KCNQ1: variants seen among roughly 807,000 people sequenced by gnomAD.
KCNQ1 encodes potassium voltage-gated channel subfamily KQT member 1.
KCNQ1 carries 49 observed loss-of-function variants against 72.4 expected under a neutral mutation model. That is an observed-to-expected ratio of 0.68 (90% CI 0.54 to 0.86). KCNQ1 has a LOEUF of 0.86. Ranked by LOEUF, KCNQ1 falls within the 40% of genes least tolerant of loss-of-function variation. KCNQ1 has a pLI of 0.00. For missense variants in KCNQ1, 790 were observed against 945.1 expected, an observed-to-expected ratio of 0.84 and a Z score of 2.15; for synonymous variants, 450 against 412.6, an observed-to-expected ratio of 1.09 and a Z score of -1.10.
Position 2,724,708 on chromosome 11 carries a change from C to T in KCNQ1, c.1515-44136C>T, listed in dbSNP as rs931775039. 3.9e-5 allele frequency among the ~76,000 whole-genome samples: 6 copies of T among 152,190 alleles called. No homozygotes were observed. Among genetic ancestry groups the T allele is most frequent in the Non-Finnish European group, 8.8e-5 (6 of 68,040 alleles). On this transcript the variant is annotated intron_variant, in intron 11 of 15. Coordinates refer to ENST00000155840, the MANE Select transcript of KCNQ1 (RefSeq NM_000218.3). The surrounding 1 kb of genome is among the most constrained non-coding windows in gnomAD (Gnocchi z 6.8). ...ATTGTCCTGGGCTCACAGAGGAGGA[C>T]GTGGGGACCTGCCCAAGGAGACACA...
chr11:2,500,628 T>C (rs1038796159), intron 1 of KCNQ1, among the ~76,000 whole-genome samples: 5 of 152,142 alleles, frequency 3.3e-5, no homozygotes, highest in African/African-American at 1.2e-4. Context: ...CCAACCCAAA[T>C]GCCCATCAAT....
In KCNQ1 at chr11:2,818,668, C is replaced by T. The variant is rs375715091; in HGVS notation, c.1795-29099C>T. ...ACCAGCCCAGCTGCTGGTCCCTAACCGGGCCCACCTGTTGGGTCCTTAGCA... is the reference window on the plus strand; with the variant it reads ...ACCAGCCCAGCTGCTGGTCCCTAACTGGGCCCACCTGTTGGGTCCTTAGCA... On this transcript the variant is annotated intron_variant, in intron 15 of 15. Coordinates refer to ENST00000155840, the MANE Select transcript of KCNQ1 (RefSeq NM_000218.3). The surrounding 1 kb of genome is among the most constrained non-coding windows in gnomAD (Gnocchi z 7.2). Among the ~76,000 whole-genome samples the T allele has an allele frequency of 1.7e-4, 26 of 152,288 alleles. No individual in the cohort carries two copies. In the East Asian group the frequency reaches 3.7e-3, roughly 22 times the overall value.
At position 2,587,611 on chromosome 11, in the gene KCNQ1, C is replaced by T; in HGVS notation, c.1170C>T (p.Ser390=). Reference sequence around the variant, plus strand: ...ATGCTGCCGAGAACCCCGACTCCTCCACCTGGAAGATCTACATCCGGAAGG... The same window carrying T: ...ATGCTGCCGAGAACCCCGACTCCTCTACCTGGAAGATCTACATCCGGAAGG... The part of the protein sequence containing the change: ...RCYAAENPDS[S]TWKIYIRKAP... The change falls in exon 9 of 16, where the codon TCC becomes TCT. Residue 390 remains serine, a synonymous_variant. Coordinates refer to ENST00000155840, the MANE Select transcript of KCNQ1 (RefSeq NM_000218.3). The T allele has an allele frequency of 6.2e-7, 1 of 1,613,956 alleles. No individual in the cohort carries two copies. Among genetic ancestry groups the T allele is most frequent in the Non-Finnish European group, 8.5e-7 (1 of 1,180,026 alleles).
rs1433504685 is a variant in KCNQ1, at chr11:2,759,353, TG to T, written c.1515-9488del. ...ATGTCTCCTGGGTCCTCCAGCACTC[TG>T]GGTTTCCTCTGCCAAGACCCCCACC... is the stretch of plus-strand genomic sequence containing the variant. On this transcript the variant is annotated intron_variant, in intron 11 of 15. Transcript: ENST00000155840. The surrounding 1 kb of genome is among the most constrained non-coding windows in gnomAD (Gnocchi z 4.4). Among the ~76,000 whole-genome samples, 1 of 152,150 alleles carries T rather than the reference TG, an allele frequency of 6.6e-6. No homozygotes were observed. Among genetic ancestry groups the T allele is most frequent in the Non-Finnish European group, 1.5e-5 (1 of 68,012 alleles).
Position 2,724,592 on chromosome 11 carries a change from G to A in KCNQ1, c.1515-44252G>A, listed in dbSNP as rs538525872. 2.0e-5 allele frequency among the ~76,000 whole-genome samples: 3 copies of A among 152,302 alleles called. No individual in the cohort carries two copies. Among genetic ancestry groups the A allele is most frequent in the South Asian group, 2.1e-4 (1 of 4,830 alleles). ...GACCCCACTAGGAACCCCTTCCCGC[G>A]GAAACACAGCTTCTCCCCTTGGGTG... On this transcript the variant is annotated intron_variant, in intron 11 of 15. Coordinates refer to ENST00000155840, the MANE Select transcript of KCNQ1 (RefSeq NM_000218.3). This position sits in a 1 kb window ranked among gnomAD's most constrained non-coding sequence, Gnocchi z 6.8.
intron 1 of KCNQ1, among the ~76,000 whole-genome samples, chr11:2,456,313 AAATT>A (rs1191022179): frequency 6.6e-6 from 1 of 152,180 alleles, no homozygotes; most frequent in Non-Finnish European, 1.5e-5. Context: ...AAAAAAAAAA[AAATT>A]AAAAAAGATT....
At position 2,543,315 on chromosome 11, in the gene KCNQ1, T is replaced by C. The variant is rs1016521159; in HGVS notation, c.477+15297T>C. ...TTTGAGACTGGGTCATGCACTGTGC[T>C]CAGGCTGGAGTGCAGTGGCGTAAAC... On this transcript the variant is annotated intron_variant, in intron 2 of 15. Coordinates refer to ENST00000155840, the MANE Select transcript of KCNQ1 (RefSeq NM_000218.3). The surrounding 1 kb of genome is among the most constrained non-coding windows in gnomAD (Gnocchi z 5.6). 1.3e-5 allele frequency among the ~76,000 whole-genome samples: 2 copies of C among 152,142 alleles called. No individual in the cohort carries two copies. The highest frequency in any genetic ancestry group is 4.8e-5 in the African/African-American group (2 of 41,438).
At chr11:2,558,504 T>C (rs1438403175) in intron 2 of KCNQ1, among the ~76,000 whole-genome samples, 2 of 152,202 alleles carry the variant, frequency 1.3e-5, no homozygotes, top group African/African-American at 4.8e-5. Context: ...TGGGCCAGCC[T>C]GTGGGCACTC....
intron 6 of KCNQ1, among the ~76,000 whole-genome samples, chr11:2,574,216 A>T (rs570247676): frequency 6.6e-6 from 1 of 152,268 alleles, no homozygotes; most frequent in East Asian, 1.9e-4. Context: ...CCAGGGTGGC[A>T]CCATCACACC....
intron 15 of KCNQ1, among the ~76,000 whole-genome samples, chr11:2,823,677 G>A (rs925533190): frequency 6.6e-5 from 10 of 152,194 alleles, no homozygotes; most frequent in Non-Finnish European, 1.0e-4. Flanking sequence ...AATCTGCAAC[G>A]GAGCTTCCAA....
In KCNQ1 at chr11:2,481,703, A is replaced by C. The variant is rs991314953; in HGVS notation, c.386+36219A>C. Among the ~76,000 whole-genome samples, 1 of 152,122 alleles carries C rather than the reference A, an allele frequency of 6.6e-6. No homozygotes were observed. Among genetic ancestry groups the C allele is most frequent in the Non-Finnish European group, 1.5e-5 (1 of 68,024 alleles). On this transcript the variant is annotated intron_variant, in intron 1 of 15. Transcript: ENST00000155840. The surrounding 1 kb of genome is among the most constrained non-coding windows in gnomAD (Gnocchi z 4.6). The stretch of plus-strand genomic sequence containing the variant: ...TCACAGGGGTGTGTACCCTGTTGCA[A>C]ACTATGCATGTGAGGGATCTAGGTT...
At chr11:2,732,123 C>T (rs1026865122) in intron 11 of KCNQ1, among the ~76,000 whole-genome samples, 1 of 152,196 alleles carries the variant, frequency 6.6e-6, no homozygotes, top group African/African-American at 2.4e-5. Context: ...TGCGTGGTGG[C>T]CTCTGTCGAC....
intron 12 of KCNQ1, among the ~76,000 whole-genome samples, chr11:2,774,944 C>G (rs1419467431): frequency 6.6e-6 from 1 of 152,192 alleles, no homozygotes; most frequent in Non-Finnish European, 1.5e-5. Flanking sequence ...CCCCTCCCCA[C>G]CAAGCCGCTT....
chr11:2,730,624 G>A (rs1845841077), intron 11 of KCNQ1, among the ~76,000 whole-genome samples: 2 of 152,218 alleles, frequency 1.3e-5, no homozygotes. Context: ...GGAGGCAGGT[G>A]GACTTTGTCC....
chr11:2,733,857 C>CTTTCTCTCT (rs147278439), intron 11 of KCNQ1, among the ~76,000 whole-genome samples: 2,532 of 76,184 alleles, frequency 0.033, 241 homozygotes, highest in African/African-American at 0.079. Flanking sequence ...CTCTCTCTCT[C>CTTTCTCTCT]CCCCCCCACT....
chr11:2,724,638 C>T lies in KCNQ1; in HGVS notation c.1515-44206C>T, dbSNP rs565495021. Among the ~76,000 whole-genome samples the T allele has an allele frequency of 6.6e-6, 1 of 152,326 alleles. No homozygotes were observed. The highest frequency in any genetic ancestry group is 1.9e-4 in the East Asian group (1 of 5,176). ...GGGTGCCATTGCAGCTGCACCCAAG[C>T]CTTGCCCTTCCCTCTCACTTCGCTC... On this transcript the variant is annotated intron_variant, in intron 11 of 15. Coordinates refer to ENST00000155840, the MANE Select transcript of KCNQ1 (RefSeq NM_000218.3). The surrounding 1 kb of genome is among the most constrained non-coding windows in gnomAD (Gnocchi z 6.8).
At position 2,626,721 on chromosome 11, in the gene KCNQ1, G is replaced by T. The variant is rs535144917; in HGVS notation, c.1394-35240G>T. ...TTATTTTATTTTTTGTAGAGATGAG[G>T]TCTCCCTGTGTTCCCCAGGCTGGTC... On this transcript the variant is annotated intron_variant, in intron 10 of 15. Transcript: ENST00000155840. The surrounding 1 kb of genome is among the most constrained non-coding windows in gnomAD (Gnocchi z 4.0). 1.4e-4 allele frequency: 55 copies of T among 398,404 alleles called. No homozygotes were observed. The highest frequency in any genetic ancestry group is 3.1e-4 in the Admixed American group (7 of 22,694). The allele number at this position is 398,404 out of a possible 1,614,324, so 24.7% of individuals were successfully genotyped here.
chr11:2,465,924 G>C (rs1040899867), intron 1 of KCNQ1, among the ~76,000 whole-genome samples: 7 of 152,224 alleles, frequency 4.6e-5, no homozygotes, highest in Admixed American at 3.3e-4. Context: ...GTTGGTTCCT[G>C]GCTGCACCTG....
At chr11:2,629,897 A>C in intron 10 of KCNQ1, 1 of 397,968 alleles carries the variant, frequency 2.5e-6, no homozygotes, top group Non-Finnish European at 4.4e-6. Context: ...CTTCTTTCTG[A>C]TTTGAGTGTA....
Sources: gnomAD v4.1 joint callset for allele counts (sites outside exome capture counted in the v4.1 genomes callset) on GRCh38, gnomAD v4.1.1 for gene constraint, Gnocchi (gnomAD v3.1) non-coding constraint, MANE v1.5 for transcripts, NCBI Gene and HGNC (gene_info 2026-07-23, HGNC 2026-07-21) for gene names.